MICAL2: variants seen among roughly 807,000 people sequenced by gnomAD.
MICAL2 encodes the protein microtubule associated monooxygenase, calponin and LIM domain containing 2.
In MICAL2, 77 loss-of-function variants were observed where a neutral mutation model predicts 127.3. The observed-to-expected ratio is 0.60, with a 90% CI of 0.50 to 0.73. The LOEUF (loss-of-function observed/expected upper bound fraction) is 0.73, where lower values mean the gene tolerates loss of function less well. Among genes scored for constraint, MICAL2 ranks in the 30% least tolerant of loss-of-function variants. MICAL2 has a pLI of 0.00. For missense variants in MICAL2, 1,351 were observed against 1,434.4 expected (o/e 0.94, Z 0.94); for synonymous variants, 570 against 551.1 (o/e 1.03, Z -0.48).
chr11:12,358,634 G>A, downstream of MICAL2: 1 of 640,678 alleles, frequency 1.6e-6, no homozygotes, highest in South Asian at 3.3e-5. Context: ...TGCACGCATG[G>A]CAGCTTCCCA....
intron 6 of MICAL2, among the ~76,000 whole-genome samples, chr11:12,211,738 A>T (rs978635322): frequency 1.1e-4 from 17 of 152,162 alleles, no homozygotes; most frequent in African/African-American, 4.1e-4. Context: ...AGAGCCCAAG[A>T]GCCAGCAAAA....
intron 15 of MICAL2, among the ~76,000 whole-genome samples, chr11:12,231,323 G>A (rs1015767861): frequency 1.3e-5 from 2 of 152,198 alleles, no homozygotes; most frequent in African/African-American, 4.8e-5. Context: ...GTAGCCCCAG[G>A]TTTGATCCTG....
chr11:12,127,798 C>T (rs576066167), intron 1 of MICAL2, among the ~76,000 whole-genome samples: 8 of 152,146 alleles, frequency 5.3e-5, no homozygotes, highest in South Asian at 4.2e-4. Context: ...AGGATATTGG[C>T]GGCTGAGACA....
intron 2 of MICAL2, among the ~76,000 whole-genome samples, chr11:12,282,058 G>A (rs1343973609): frequency 6.6e-6 from 1 of 152,156 alleles, no homozygotes; most frequent in Admixed American, 6.5e-5. Flanking sequence ...ATTGCCACCT[G>A]GTCCGTGAAA....
intron 32 of MICAL2, among the ~76,000 whole-genome samples, chr11:12,343,718 G>T (rs1938907720): frequency 6.6e-6 from 1 of 152,150 alleles, no homozygotes; most frequent in Non-Finnish European, 1.5e-5. Context: ...GCTTCTTTTG[G>T]ATCGAGAACA....
chr11:12,359,700 G>A (rs1939180656), downstream of MICAL2, among the ~76,000 whole-genome samples: 1 of 152,206 alleles, frequency 6.6e-6, no homozygotes, highest in Admixed American at 6.5e-5. Flanking sequence ...GGCCAAAGAA[G>A]AGAAGATTTA....
chr11:12,142,422 T>G (rs1240524785), intron 2 of MICAL2, among the ~76,000 whole-genome samples: 1 of 152,208 alleles, frequency 6.6e-6, no homozygotes, highest in Non-Finnish European at 1.5e-5. Flanking sequence ...TAGCCTCTTG[T>G]GAGTTTGCCA....
chr11:12,153,592 C>G (rs1853834015), intron 2 of MICAL2, among the ~76,000 whole-genome samples: 1 of 152,160 alleles, frequency 6.6e-6, no homozygotes, highest in African/African-American at 2.4e-5. Flanking sequence ...CACGTGCCAC[C>G]ACACCCAGCT....
chr11:12,349,390 C>A (rs1244299478), intron 32 of MICAL2, among the ~76,000 whole-genome samples: 1 of 152,110 alleles, frequency 6.6e-6, no homozygotes, highest in Non-Finnish European at 1.5e-5. Context: ...AGCTTCCCTG[C>A]CCCATGGAAG....
rs568614708 is a variant in MICAL2 at position 12,212,391 on chromosome 11, G to A, written c.692-864G>A. On this transcript the variant is annotated intron_variant, in intron 6 of 27. Transcript: ENST00000683283. ...ACTTGCTGGCTGAGGTGGGAGGATC[G>A]CTTGACCCTGGGAGGTCGAGGCTGC... Among the ~76,000 whole-genome samples the A allele has an allele frequency of 7.2e-5, 11 of 152,252 alleles. No individual in the cohort carries two copies. In the East Asian group the frequency reaches 9.6e-4, roughly 13 times the overall value.
intron 34 of MICAL2, chr11:12,354,936 G>A (rs1022507080): frequency 2.1e-4 from 287 of 1,365,380 alleles, no homozygotes; most frequent in Non-Finnish European, 2.8e-4. Context: ...TCCCAGAGTG[G>A]GGCGCTCTTC....
At chr11:12,292,124 T>C (rs557927476), downstream of MICAL2, 2 of 1,609,684 alleles carry the variant, frequency 1.2e-6, no homozygotes, top group East Asian at 2.2e-5. Flanking sequence ...TAATGAAGAG[T>C]GTGTTCTTTC....
At chr11:12,340,915 C>T (rs752002801) in intron 32 of MICAL2, among the ~76,000 whole-genome samples, 10 of 152,112 alleles carry the variant, frequency 6.6e-5, no homozygotes, top group Non-Finnish European at 1.5e-4. Flanking sequence ...TTTTCAGCTG[C>T]ATGCTCTGAC....
chr11:12,332,918 T>A (rs79852329), intron 32 of MICAL2, among the ~76,000 whole-genome samples: 1,648 of 152,250 alleles, frequency 0.011, 37 homozygotes, highest in African/African-American at 0.038. Context: ...TCAGCAAAGA[T>A]GTACAGGGAC....
intron 32 of MICAL2, among the ~76,000 whole-genome samples, chr11:12,336,452 C>T (rs575723301): frequency 6.6e-6 from 1 of 152,308 alleles, no homozygotes; most frequent in South Asian, 2.1e-4. Context: ...ATTTCCTTCT[C>T]CTGCCTGATT....
chr11:12,227,575 T>C (rs1857639930), intron 15 of MICAL2, among the ~76,000 whole-genome samples: 1 of 152,236 alleles, frequency 6.6e-6, no homozygotes, highest in Non-Finnish European at 1.5e-5. Flanking sequence ...TCAACAAATA[T>C]ATATTGGGCT....
intron 1 of MICAL2, chr11:12,276,197 G>T: frequency 2.5e-6 from 1 of 396,384 alleles, no homozygotes; most frequent in Non-Finnish European, 4.4e-6. Flanking sequence ...GATGGGGACA[G>T]AAGCGGGGTT....
chr11:12,332,088 A>G (rs1008232558), intron 32 of MICAL2, among the ~76,000 whole-genome samples: 1 of 152,182 alleles, frequency 6.6e-6, no homozygotes, highest in Admixed American at 6.5e-5. Flanking sequence ...CCCAAAAAAC[A>G]GTAATGCAAT....
chr11:12,264,069 C>A (rs935472278), downstream of MICAL2, among the ~76,000 whole-genome samples: 3 of 152,086 alleles, frequency 2.0e-5, no homozygotes, highest in South Asian at 6.2e-4. Flanking sequence ...GGTCAGTGTC[C>A]CCTCAGCGAT....
Sources: allele counts gnomAD v4.1 joint callset (sites outside exome capture counted in the v4.1 genomes callset), GRCh38; gene constraint gnomAD v4.1.1; transcripts MANE v1.5; gene names NCBI Gene and HGNC (gene_info 2026-07-23, HGNC 2026-07-21).